Variants in CFAP54 observed in about 807,000 individuals in gnomAD.
The protein encoded by CFAP54 is cilia- and flagella-associated protein 54.
In CFAP54, 290 loss-of-function variants were observed where a neutral mutation model predicts 370.4. The ratio of observed to expected loss-of-function variants is 0.78; its 90% confidence interval spans 0.71 to 0.86. The LOEUF is 0.86. CFAP54 is among the 40% of genes least tolerant of loss of function. The pLI, the probability that CFAP54 is intolerant of heterozygous loss-of-function variation, is 0.00. For synonymous variants in CFAP54, 1,206 were observed against 1,236.5 expected (o/e 0.98, Z 0.52); for missense variants, 3,399 against 3,528.7 (o/e 0.96, Z 0.93).
chr12:96,561,264 A>C (rs916133944), intron 17 of CFAP54, among the ~76,000 whole-genome samples: 7 of 152,168 alleles, frequency 4.6e-5, no homozygotes, highest in African/African-American at 1.7e-4. Context: ...AGTAAGTCTC[A>C]CAAGATCTGA....
At chr12:96,517,626 C>G (rs1406605416) in intron 5 of CFAP54, among the ~76,000 whole-genome samples, 1 of 152,188 alleles carries the variant, frequency 6.6e-6, no homozygotes, top group Non-Finnish European at 1.5e-5. Context: ...TATCAGTTCA[C>G]AAAGTTCACA....
In CFAP54 at chr12:96,743,579, C is replaced by T. The variant is rs750838938; in HGVS notation, c.7377+20C>T. The T allele has an allele frequency of 1.1e-5, 18 of 1,613,350 alleles. No homozygotes were observed. Among genetic ancestry groups the T allele is most frequent in the Middle Eastern group, 1.6e-4 (1 of 6,080 alleles). ...CTTCAGGTAGAAAGGAAACTTTGTT[C>T]GTATTTATAGTCAGGGAGGGATTCC... On this transcript the variant is annotated intron_variant, in intron 53 of 67. Transcript: ENST00000524981.
At position 96,792,431 on chromosome 12, in the gene CFAP54, A is replaced by G. The variant is rs773113995; in HGVS notation, c.8782A>G (p.Asn2928Asp). 5.9e-6 allele frequency: 9 copies of G among 1,535,938 alleles called. No homozygotes were observed. Among genetic ancestry groups the G allele is most frequent in the Non-Finnish European group, 7.0e-6 (8 of 1,146,780 alleles). The change falls in exon 63 of 68, where the codon AAC (asparagine) becomes GAC (aspartate). Residue 2928 changes from asparagine (N) to aspartate (D), a missense_variant. Asn to Asp is a conservative substitution (Grantham distance 23, BLOSUM62 1). This residue lies in a region of CFAP54 where 2,796 missense variants were observed against 2,869.7 expected (regional missense o/e 0.97). Coordinates refer to ENST00000524981, the MANE Select transcript of CFAP54 (RefSeq NM_001306084.2). Reference protein sequence around the residue: ...TPIEMVTQASNKELCFQWYIP... With the variant: ...TPIEMVTQASDKELCFQWYIP... ...AATAGAAATGGTAACGCAAGCTTCA[A>G]ACAAAGAACTTTGCTTTCAATGGTA...
chr12:96,836,534 A>C (rs1421350838), intron 66 of CFAP54, among the ~76,000 whole-genome samples: 1 of 152,208 alleles, frequency 6.6e-6, no homozygotes, highest in Non-Finnish European at 1.5e-5. Context: ...GACAGCACCA[A>C]AGAGGCTGAG....
intron 15 of CFAP54, among the ~76,000 whole-genome samples, chr12:96,548,819 A>G (rs925420181): frequency 6.6e-6 from 1 of 151,758 alleles, no homozygotes; most frequent in Non-Finnish European, 1.5e-5. Flanking sequence ...TGCAATCACA[A>G]CTTCAGGTGT....
At chr12:96,769,781 C>T (rs548902259) in intron 60 of CFAP54, among the ~76,000 whole-genome samples, 2 of 152,164 alleles carry the variant, frequency 1.3e-5, no homozygotes, top group African/African-American at 2.4e-5. Context: ...TCCCGCAGAA[C>T]GTAAACACCC....
chr12:96,647,730 G>T, intron 33 of CFAP54, 145 bp from the exon 34 acceptor site: 1 of 630,352 alleles, frequency 1.6e-6, no homozygotes, highest in Non-Finnish European at 2.5e-6. Context: ...AAAAATGTTG[G>T]GCTTTGATTA....
intron 22 of CFAP54, among the ~76,000 whole-genome samples, chr12:96,584,334 C>T (rs1030656285): frequency 2.6e-5 from 4 of 152,006 alleles, no homozygotes; most frequent in Non-Finnish European, 4.4e-5. Flanking sequence ...TGTGGTGGCA[C>T]GCACCTGTAA....
chr12:96,744,244 A>G (rs1958086115), intron 55 of CFAP54, 98 bp downstream of exon 55: 1 of 1,004,032 alleles, frequency 1.0e-6, no homozygotes, highest in African/African-American at 1.6e-5. Context: ...AAAAGAGGCA[A>G]TATTTATGAA....
chr12:96,543,047 A>T (rs1214759164), intron 14 of CFAP54, among the ~76,000 whole-genome samples: 1 of 152,194 alleles, frequency 6.6e-6, no homozygotes, highest in Non-Finnish European at 1.5e-5. Flanking sequence ...GATTCTGCTG[A>T]TACTTTGTTA....
chr12:96,534,017 A>G, intron 10 of CFAP54, 44 bp downstream of exon 10: 2 of 1,498,756 alleles, frequency 1.3e-6, no homozygotes, highest in Non-Finnish European at 1.8e-6. Flanking sequence ...TTTTGTTAAA[A>G]TGACATCCAA....
intron 66 of CFAP54, among the ~76,000 whole-genome samples, chr12:96,834,901 A>G (rs1369062165): frequency 1.3e-5 from 2 of 152,196 alleles, no homozygotes; most frequent in Non-Finnish European, 1.5e-5. Context: ...TTATTGAGCA[A>G]TAGAACAGCT....
At chr12:96,601,767 C>A (rs941199213) in intron 26 of CFAP54, among the ~76,000 whole-genome samples, 12 of 152,010 alleles carry the variant, frequency 7.9e-5, no homozygotes, top group Non-Finnish European at 1.3e-4. Context: ...GTATTCTCTG[C>A]TGGTAGTTTG....
At chr12:96,498,377 G>A (rs554929550) in intron 1 of CFAP54, among the ~76,000 whole-genome samples, 42 of 152,274 alleles carry the variant, frequency 2.8e-4, no homozygotes, top group Non-Finnish European at 5.4e-4. Flanking sequence ...ACTCCTGGCC[G>A]GGCACCGTGG....
At chr12:96,870,942 A>G (rs925839261) in intron 67 of CFAP54, among the ~76,000 whole-genome samples, 1 of 152,194 alleles carries the variant, frequency 6.6e-6, no homozygotes, top group South Asian at 2.1e-4. Context: ...TTCTCTGAGG[A>G]CACACCTCAT....
intron 66 of CFAP54, among the ~76,000 whole-genome samples, chr12:96,855,705 T>C (rs1959684482): frequency 6.6e-6 from 1 of 152,208 alleles, no homozygotes; most frequent in African/African-American, 2.4e-5. Context: ...GTTTGCAGGG[T>C]ATAGCCCCCC....
intron 61 of CFAP54, 41 bp from the exon 62 acceptor site, chr12:96,786,634 T>G (rs184264142): frequency 7.2e-7 from 1 of 1,385,184 alleles, no homozygotes; most frequent in East Asian, 2.5e-5. Context: ...TCATCCCGTT[T>G]TCTAATATGA....
chr12:96,837,501 T>TCATAA lies in CFAP54; in HGVS notation c.9171+8413_9171+8414insCATAA, dbSNP rs527915713. Among the ~76,000 whole-genome samples, 906 of 152,384 alleles carry TCATAA rather than the reference T, an allele frequency of 5.9e-3. 3 individuals carry two copies. Among genetic ancestry groups the TCATAA allele is most frequent in the Non-Finnish European group, 9.5e-3 (647 of 68,042 alleles). ...AGTTTTTATCAAAATAAATGTGTTA[T>TCATAA]TATGATGTGCTTGCATATTTGTCTC... On this transcript the variant is annotated intron_variant, in intron 66 of 67. Coordinates refer to ENST00000524981, the MANE Select transcript of CFAP54 (RefSeq NM_001306084.2).
chr12:96,578,312 T>C lies in CFAP54; in HGVS notation c.2796+1551T>C, dbSNP rs554175507. ...CTTTATAATTGTGAGAGGAGGGGAA[T>C]AGAAGTGACATTCATCTTATACCTA... On this transcript the variant is annotated intron_variant, in intron 20 of 67. Coordinates refer to ENST00000524981, the MANE Select transcript of CFAP54 (RefSeq NM_001306084.2). 1.6e-3 allele frequency among the ~76,000 whole-genome samples: 242 copies of C among 152,214 alleles called. 1 individual carries two copies. The highest frequency in any genetic ancestry group is 5.5e-3 in the African/African-American group (229 of 41,550).
Sources: gnomAD v4.1 joint callset for allele counts (sites outside exome capture counted in the v4.1 genomes callset) on GRCh38, gnomAD v4.1.1 for gene constraint, gnomAD v4.1.1 regional missense constraint, MANE v1.5 for transcripts, NCBI Gene and HGNC (gene_info 2026-07-23, HGNC 2026-07-21) for gene names.